INSL6: variants seen among roughly 807,000 people sequenced by gnomAD.
The protein encoded by INSL6 is insulin-like peptide INSL6.
Under a neutral mutation model 9.4 loss-of-function variants are expected in INSL6, and 16 were observed. That is an observed-to-expected ratio of 1.70 (90% CI 1.15 to 2.59). INSL6 has a LOEUF of 2.59. INSL6 is among the 30% of genes most tolerant of loss of function. The pLI is 0.00. For synonymous variants in INSL6, 154 were observed against 96.9 expected (o/e 1.59, Z -3.46); for missense variants, 391 against 257.3 (o/e 1.52, Z -3.56).
At chr9:5,121,915 T>C (rs147025889), downstream of INSL6, among the ~76,000 whole-genome samples, 1 of 152,300 alleles carries the variant, frequency 6.6e-6, no homozygotes, top group African/African-American at 2.4e-5. Context: ...GGAATAGTGC[T>C]GTCTTCAAGA....
At chr9:5,026,259 A>G in the INSL6 span, among the ~76,000 whole-genome samples, 3 of 152,178 alleles carry the variant, frequency 2.0e-5, no homozygotes, top group African/African-American at 7.2e-5. Context: ...AGTACATGAT[A>G]TTGGTAATCA....
At chr9:5,027,557 G>A in the INSL6 span, among the ~76,000 whole-genome samples, 1 of 152,112 alleles carries the variant, frequency 6.6e-6, no homozygotes, top group Admixed American at 6.6e-5. Flanking sequence ...AATGAAGGTT[G>A]CTGCATCAGT....
At chr9:5,126,318 G>A (rs908144812) in intron 3 of INSL6, 1 of 1,535,916 alleles carries the variant, frequency 6.5e-7, no homozygotes, top group South Asian at 1.2e-5. Context: ...AATATTGAAA[G>A]TGGGTTTGTT....
chr9:5,048,343 A>G, the INSL6 span, among the ~76,000 whole-genome samples: 1 of 151,930 alleles, frequency 6.6e-6, no homozygotes, highest in Non-Finnish European at 1.5e-5. Flanking sequence ...GGGTTTCACT[A>G]TGTTGGCCAG....
chr9:5,125,750 A>ATT (rs1823947745), intron 3 of INSL6, among the ~76,000 whole-genome samples: 1 of 68,858 alleles, frequency 1.5e-5, no homozygotes, highest in African/African-American at 1.0e-4. Flanking sequence ...GGTTGACTAT[A>ATT]TATTTGTTGG....
At chr9:5,179,985 G>A (rs1237445656) in intron 1 of INSL6, among the ~76,000 whole-genome samples, 1 of 152,104 alleles carries the variant, frequency 6.6e-6, no homozygotes, top group Non-Finnish European at 1.5e-5. Flanking sequence ...TCCTGCACAT[G>A]TACTCCTGAA....
At chr9:5,132,704 A>C (rs897755358) in intron 3 of INSL6, 2 of 152,186 alleles carry the variant, frequency 1.3e-5, no homozygotes, top group Non-Finnish European at 2.9e-5. Context: ...CTGATCTCCT[A>C]AGTATGTTGA....
intron 1 of INSL6, among the ~76,000 whole-genome samples, chr9:5,175,220 A>G (rs1437635341): frequency 2.6e-5 from 4 of 152,116 alleles, no homozygotes; most frequent in African/African-American, 9.7e-5. Context: ...GATTACAGGC[A>G]TGAGCCACCG....
the INSL6 span, among the ~76,000 whole-genome samples, chr9:5,042,856 C>A: frequency 6.6e-6 from 1 of 152,308 alleles, no homozygotes; most frequent in East Asian, 1.9e-4. Flanking sequence ...CACCAAAGCT[C>A]GGTCGCCACA....
At chr9:5,078,725 T>C in the INSL6 span, among the ~76,000 whole-genome samples, 1 of 152,204 alleles carries the variant, frequency 6.6e-6, no homozygotes, top group Non-Finnish European at 1.5e-5. Flanking sequence ...GTATGAAGTT[T>C]TGTAATATTC....
chr9:5,175,007 T>A (rs1296994274), intron 1 of INSL6, among the ~76,000 whole-genome samples: 1 of 151,816 alleles, frequency 6.6e-6, no homozygotes, highest in Non-Finnish European at 1.5e-5. Context: ...TGGCGTTATC[T>A]CGGCTCACTG....
chr9:5,163,858 TAG>T (rs547364566), downstream of INSL6: 308 of 1,142,240 alleles, frequency 2.7e-4, no homozygotes, highest in Non-Finnish European at 3.5e-4. Flanking sequence ...CAAAAAAAAA[TAG>T]AGTTAAATAA....
the INSL6 span, chr9:5,099,778 C>G: frequency 6.6e-6 from 1 of 152,160 alleles, no homozygotes; most frequent in African/African-American, 2.4e-5. Flanking sequence ...AATAATATCC[C>G]TAATTATCTT....
chr9:5,012,645 TTAAA>T, the INSL6 span, among the ~76,000 whole-genome samples: 1 of 152,172 alleles, frequency 6.6e-6, no homozygotes, highest in Non-Finnish European at 1.5e-5. Context: ...CATTAATAAA[TTAAA>T]TATTTAGTAA....
the INSL6 span, among the ~76,000 whole-genome samples, chr9:5,083,403 T>G: frequency 6.6e-6 from 1 of 152,248 alleles, no homozygotes; most frequent in Non-Finnish European, 1.5e-5. Context: ...TTCTCACTAG[T>G]AAGTACCATG....
At chr9:5,114,871 CCTT>C in the INSL6 span, 1 of 222,900 alleles carries the variant, frequency 4.5e-6, no homozygotes, top group Non-Finnish European at 9.0e-6. Flanking sequence ...GCTGGCCAGA[CCTT>C]CTGTCCACTG....
the INSL6 span, among the ~76,000 whole-genome samples, chr9:5,070,919 G>T: frequency 6.6e-6 from 1 of 152,144 alleles, no homozygotes; most frequent in Non-Finnish European, 1.5e-5. Context: ...TTAAAAGTGA[G>T]ACTATCCCTG....
the INSL6 span, chr9:5,050,923 TTTTG>T: frequency 7.8e-5 from 84 of 1,073,286 alleles, 2 homozygotes; most frequent in South Asian, 7.6e-4. Flanking sequence ...TGCCTTTTGA[TTTTG>T]TAATACTAGT....
chr9:5,035,447 C>A, the INSL6 span, among the ~76,000 whole-genome samples: 2 of 152,168 alleles, frequency 1.3e-5, no homozygotes, highest in Admixed American at 1.3e-4. Context: ...GAATTTTATA[C>A]CAATATCCTT....
Sources: gnomAD v4.1 joint callset for allele counts (sites outside exome capture counted in the v4.1 genomes callset) on GRCh38, gnomAD v4.1.1 for gene constraint, MANE v1.5 for transcripts, NCBI Gene and HGNC (gene_info 2026-07-23, HGNC 2026-07-21) for gene names.